Variants in CCNH observed in about 807,000 individuals in gnomAD.
CCNH encodes the protein cyclin H, also known as cyclin-H.
CCNH carries 31 observed loss-of-function variants against 41.9 expected under a neutral mutation model. The observed-to-expected ratio is 0.74, with a 90% CI of 0.56 to 1.00. The LOEUF is 1.00. Ranked by LOEUF, CCNH falls within the 50% of genes least tolerant of loss-of-function variation. The probability of loss-of-function intolerance (pLI) is 0.00; values close to 1 mark genes in which losing one functional copy is unlikely to be tolerated. For missense variants in CCNH, 362 were observed against 388.4 expected (o/e 0.93, Z 0.57); for synonymous variants, 138 against 136.1 (o/e 1.01, Z -0.10).
intron 1 of CCNH, 140 bp downstream of exon 1, chr5:87,412,538 T>G: frequency 6.9e-7 from 1 of 1,454,978 alleles, no homozygotes; most frequent in South Asian, 1.4e-5. Flanking sequence ...AGGTGCTCGC[T>G]TATTTTGATA....
chr5:87,318,763 A>ATC (rs1466225538), exon 10 of CCNH: 1 of 152,000 alleles, frequency 6.6e-6, no homozygotes, highest in Non-Finnish European at 1.5e-5. Flanking sequence ...CCTCTCCCAA[A>ATC]TCTCATATTA....
At chr5:87,356,172 C>A (rs760651160) in intron 9 of CCNH, among the ~76,000 whole-genome samples, 24 of 152,118 alleles carry the variant, frequency 1.6e-4, no homozygotes, top group Non-Finnish European at 1.2e-4. Flanking sequence ...AGAAGTTCAA[C>A]TGTGGGTAAA....
chr5:87,385,571 TA>T (rs1315848485), intron 9 of CCNH, among the ~76,000 whole-genome samples: 1 of 152,118 alleles, frequency 6.6e-6, no homozygotes, highest in Non-Finnish European at 1.5e-5. Context: ...AGTGGAACTT[TA>T]AAAAACACAA....
chr5:87,398,349 A>G (rs1431983851), intron 7 of CCNH, among the ~76,000 whole-genome samples: 2 of 152,244 alleles, frequency 1.3e-5, no homozygotes, highest in African/African-American at 4.8e-5. Context: ...CCAGCAGCAC[A>G]TATTCACCAA....
intron 4 of CCNH, among the ~76,000 whole-genome samples, chr5:87,407,641 A>G (rs1464170629): frequency 6.6e-6 from 1 of 152,198 alleles, no homozygotes; most frequent in Non-Finnish European, 1.5e-5. Flanking sequence ...AAGTTAGAAG[A>G]GTTATCTTAA....
chr5:87,387,469 CA>C (rs1344146943), downstream of CCNH, among the ~76,000 whole-genome samples: 1 of 152,062 alleles, frequency 6.6e-6, no homozygotes, highest in Non-Finnish European at 1.5e-5. Flanking sequence ...CTTTCTTAAT[CA>C]AGTTAAATTT....
chr5:87,353,279 A>T (rs984934393), intron 9 of CCNH: 1 of 1,467,182 alleles, frequency 6.8e-7, no homozygotes, highest in Middle Eastern at 1.7e-4. Context: ...ATTTTATTTT[A>T]AAATGCATTT....
chr5:87,396,135 A>G, intron 7 of CCNH, among the ~76,000 whole-genome samples: 1 of 152,338 alleles, frequency 6.6e-6, no homozygotes, highest in Non-Finnish European at 1.5e-5. Context: ...CATAACATTT[A>G]CATTGTATTT....
intron 9 of CCNH, chr5:87,341,387 CTT>C (rs1758440242): frequency 8.7e-7 from 1 of 1,152,068 alleles, no homozygotes; most frequent in African/African-American, 1.6e-5. Flanking sequence ...AATTGGAAAA[CTT>C]TGGCCAAAAA....
At chr5:87,363,985 GAATATA>G (rs1394774166) in intron 9 of CCNH, among the ~76,000 whole-genome samples, 2 of 152,104 alleles carry the variant, frequency 1.3e-5, no homozygotes. Context: ...TTGAAACAAT[GAATATA>G]AATGTATAAG....
At chr5:87,355,481 C>G (rs1232483011) in intron 9 of CCNH, among the ~76,000 whole-genome samples, 1 of 152,190 alleles carries the variant, frequency 6.6e-6, no homozygotes, top group Non-Finnish European at 1.5e-5. Flanking sequence ...TTGAAACCTA[C>G]TGCTCAGAAC....
rs143340417 is a variant in CCNH at position 87,334,301 on chromosome 5, G to A, written c.*91-15404C>T. Among the ~76,000 whole-genome samples, 3 of 152,268 alleles carry A rather than the reference G, an allele frequency of 2.0e-5. No individual in the cohort carries two copies. In the East Asian group the frequency reaches 5.8e-4, roughly 29 times the overall value. ...GAGATGAGATGTCCCAGCTCAACCA[G>A]TAAGGCAGCAGAAAGGGATGAATTT... is the stretch of plus-strand genomic sequence containing the variant. On this transcript the variant is annotated intron_variant and NMD_transcript_variant, in intron 9 of 9. Transcript: ENST00000645953.
At chr5:87,316,467 C>T (rs1327513084), downstream of CCNH, among the ~76,000 whole-genome samples, 1 of 152,168 alleles carries the variant, frequency 6.6e-6, no homozygotes, top group Non-Finnish European at 1.5e-5. Context: ...AAAGGTTCTT[C>T]TTCATTTTTC....
At chr5:87,359,764 G>A (rs950776980) in intron 9 of CCNH, among the ~76,000 whole-genome samples, 4 of 151,958 alleles carry the variant, frequency 2.6e-5, no homozygotes, top group South Asian at 2.1e-4. Context: ...CAAATAATTC[G>A]CATCACCAAG....
At chr5:87,347,733 T>A (rs557698238) in intron 9 of CCNH, among the ~76,000 whole-genome samples, 87 of 152,030 alleles carry the variant, frequency 5.7e-4, no homozygotes, top group Non-Finnish European at 1.5e-4. Flanking sequence ...AAAAAGATTA[T>A]GATAATGCTA....
intron 9 of CCNH, among the ~76,000 whole-genome samples, chr5:87,385,758 ATT>A (rs1429347817): frequency 6.6e-6 from 1 of 152,034 alleles, no homozygotes; most frequent in Non-Finnish European, 1.5e-5. Flanking sequence ...CCTACACTTA[ATT>A]GTACTATCTA....
chr5:87,394,240 GA>G, downstream of CCNH: 1 of 1,243,312 alleles, frequency 8.0e-7, no homozygotes, highest in Admixed American at 4.0e-5. Context: ...AGTCACGATG[GA>G]ATAAGAATAT....
At chr5:87,388,169 G>A (rs1347465990), downstream of CCNH, among the ~76,000 whole-genome samples, 3 of 152,100 alleles carry the variant, frequency 2.0e-5, no homozygotes, top group Admixed American at 6.5e-5. Flanking sequence ...CCTTTCTACT[G>A]GAGTCAGTTC....
At chr5:87,371,953 T>C (rs2112479547), downstream of CCNH, among the ~76,000 whole-genome samples, 1 of 151,870 alleles carries the variant, frequency 6.6e-6, no homozygotes, top group South Asian at 2.1e-4. Context: ...ATGTTATTGT[T>C]ATTTTATTAT....
Sources: allele counts gnomAD v4.1 joint callset (sites outside exome capture counted in the v4.1 genomes callset), GRCh38; gene constraint gnomAD v4.1.1; transcripts MANE v1.5; gene names NCBI Gene and HGNC (gene_info 2026-07-23, HGNC 2026-07-21).